Variants in TOP3B observed in about 807,000 individuals in gnomAD.
TOP3B encodes DNA topoisomerase III beta.
In TOP3B, 45 loss-of-function variants were observed where a neutral mutation model predicts 93.9. That is an observed-to-expected ratio of 0.48 (90% CI 0.38 to 0.61). The LOEUF (loss-of-function observed/expected upper bound fraction) is 0.61, where lower values mean the gene tolerates loss of function less well. Among genes scored for constraint, TOP3B ranks in the 20% least tolerant of loss-of-function variants. The pLI, the probability that TOP3B is intolerant of heterozygous loss-of-function variation, is 0.00. For synonymous variants in TOP3B, 357 were observed against 472.6 expected (o/e 0.76, Z 3.17); for missense variants, 750 against 1,156.1 (o/e 0.65, Z 5.09).
chr22:21,959,001 C>A, intron 16 of TOP3B, 131 bp downstream of exon 16: 1 of 1,377,108 alleles, frequency 7.3e-7, no homozygotes, highest in Non-Finnish European at 9.7e-7. Context: ...TATTTTTTGG[C>A]AAGGCCTCTT....
Position 21,962,772 on chromosome 22 carries a change from G to A in TOP3B, c.1326C>T (p.Cys442=), listed in dbSNP as rs780245200. The A allele has an allele frequency of 1.4e-5, 23 of 1,614,056 alleles. No individual in the cohort carries two copies. In the East Asian group the frequency reaches 2.7e-4, roughly 19 times the overall value. The change falls in exon 12 of 18, where the codon TGC becomes TGT. Residue 442 remains cysteine, a synonymous_variant. Transcript: ENST00000357179. ...SFRIGPELFT[C]SGKTVLSPGF... is the part of the protein sequence containing the mutation. ...CTGGTGAGAGGACGGTCTTCCCGGA[G>A]CAGGTGAAGAGCTCGGGCCCAATTC... is the stretch of plus-strand genomic sequence containing the variant.
chr22:21,964,533 T>A lies in TOP3B; in HGVS notation c.944-218A>T, dbSNP rs1601827583. On this transcript the variant is annotated intron_variant, in intron 9 of 17. Coordinates refer to ENST00000357179, the MANE Select transcript of TOP3B (RefSeq NM_001282112.2). ...TGAATCCCGCACCCGTAAGGCTGAA[T>A]CCTACACCCAGGATGGGCCTGATGG... 4 of 593,532 alleles carry A rather than the reference T, an allele frequency of 6.7e-6. No individual in the cohort carries two copies. The East Asian group carries it at 1.1e-4, about 17-fold the overall frequency. 36.8% of individuals were successfully genotyped at this position (593,532 alleles called of 1,614,324 possible). A position where few individuals can be genotyped will look rare whatever the true frequency, so the allele number is the denominator to read the frequency against.
chr22:21,980,472 C>A (rs766462271), intron 1 of TOP3B, among the ~76,000 whole-genome samples: 2 of 152,220 alleles, frequency 1.3e-5, no homozygotes, highest in Non-Finnish European at 2.9e-5. Context: ...GGCTGTCAAC[C>A]TTGTTCCCCA....
In TOP3B at chr22:21,971,872, C is replaced by G; in HGVS notation, c.384+5G>C. Reference sequence around the variant, plus strand: ...AGTGAGGAACAAAGTGAGCCTCACACTCACCTCAAAGCAGATGTTCTCCCC... The same window carrying G: ...AGTGAGGAACAAAGTGAGCCTCACAGTCACCTCAAAGCAGATGTTCTCCCC... On this transcript the variant is annotated splice_donor_5th_base_variant and intron_variant, in intron 5 of 17. Transcript: ENST00000357179. This position sits in a 1 kb window ranked among gnomAD's most constrained non-coding sequence, Gnocchi z 4.6. 6.2e-7 allele frequency: 1 copy of G among 1,614,016 alleles called. No homozygotes were observed. The highest frequency in any genetic ancestry group is 8.5e-7 in the Non-Finnish European group (1 of 1,179,934).
At chr22:21,962,350 C>T (rs759535830) in intron 13 of TOP3B, 79 bp downstream of exon 13, 72 of 1,604,280 alleles carry the variant, frequency 4.5e-5, no homozygotes, top group African/African-American at 1.1e-4. Context: ...ACAGGGCTGG[C>T]GGGGCAGCTT....
At chr22:21,959,009 CTT>C (rs760608353) in intron 16 of TOP3B, 121 bp downstream of exon 16, 4 of 1,441,944 alleles carry the variant, frequency 2.8e-6, no homozygotes, top group Non-Finnish European at 3.7e-6. Flanking sequence ...GGCAAGGCCT[CTT>C]TATGTTCCAT....
Position 21,965,306 on chromosome 22 carries a change from G to A in TOP3B, c.922C>T (p.Arg308Cys), listed in dbSNP as rs769874024. 10 of 1,599,182 alleles carry A rather than the reference G, an allele frequency of 6.3e-6. No homozygotes were observed. Among genetic ancestry groups the A allele is most frequent in the East Asian group, 4.6e-5 (2 of 43,746 alleles). The change falls in exon 9 of 18, where the codon CGT (arginine) becomes TGT (cysteine). Residue 308 changes from arginine (R) to cysteine (C), a missense_variant. This residue lies in a region of TOP3B where 737 missense variants were observed against 933.7 expected (regional missense o/e 0.79). Coordinates refer to ENST00000357179, the MANE Select transcript of TOP3B (RefSeq NM_001282112.2). ...PLALNTVEMLRVASSSLGMGP... is the reference protein window; with the variant it reads ...PLALNTVEMLCVASSSLGMGP... ...ATACCCAGAGAAGAGCTGGCCACAC[G>A]CAGCATCTCCACAGTGTTCAGGGCC... is the stretch of plus-strand genomic sequence containing the variant.
intron 1 of TOP3B, among the ~76,000 whole-genome samples, chr22:21,979,112 A>G (rs578190891): frequency 5.9e-5 from 9 of 152,126 alleles, no homozygotes; most frequent in African/African-American, 2.2e-4. Context: ...CAGAGGAAGC[A>G]CTGGATTTAG....
intron 9 of TOP3B, 196 bp from the exon 10 acceptor site, chr22:21,964,511 A>C (rs2071337591): frequency 1.6e-6 from 1 of 624,246 alleles, no homozygotes; most frequent in Non-Finnish European, 2.8e-6. Context: ...ATGAGGCTGA[A>C]TCCCGCACCC....
chr22:21,971,822 T>C lies in TOP3B; in HGVS notation c.384+55A>G. The stretch of plus-strand genomic sequence containing the variant: ...ATGTGACTGACTGCTGGTGTCAGTT[T>C]GGGGCTGGTGTCAGAAAGGCCAAAA... On this transcript the variant is annotated intron_variant, in intron 5 of 17. Transcript: ENST00000357179. This position sits in a 1 kb window ranked among gnomAD's most constrained non-coding sequence, Gnocchi z 4.6. The C allele has an allele frequency of 6.5e-7, 1 of 1,542,938 alleles. No individual in the cohort carries two copies. Among genetic ancestry groups the C allele is most frequent in the Non-Finnish European group, 9.0e-7 (1 of 1,115,676 alleles).
In TOP3B at chr22:21,970,716, CCAAATCAGGAAA is replaced by C; in HGVS notation, c.385-322_385-311del. ...TTCTAATCCTCTGCTTTCATCCCCA[CCAAATCAGGAAA>C]TGCTACTGCCAAGTACATGAGGGAC... On this transcript the variant is annotated intron_variant, in intron 5 of 17. Transcript: ENST00000357179. This position sits in a 1 kb window ranked among gnomAD's most constrained non-coding sequence, Gnocchi z 4.4. 1 of 400,264 alleles carries C rather than the reference CCAAATCAGGAAA, an allele frequency of 2.5e-6. No homozygotes were observed. Among genetic ancestry groups the C allele is most frequent in the Admixed American group, 3.6e-5 (1 of 27,830 alleles). 24.8% of individuals were successfully genotyped at this position (400,264 alleles called of 1,614,324 possible).
Position 21,958,750 on chromosome 22 carries a change from CACCCCCACTCCTCTCATAAT to C in TOP3B, c.1906-77_1906-58del, listed in dbSNP as rs1470459028. ...TCACTGGGGCCACCGACTTGGCACC[CACCCCCACTCCTCTCATAAT>C]ACAAAGTATGTAATCTGTCATGCAG... On this transcript the variant is annotated intron_variant, in intron 16 of 17. Transcript: ENST00000357179. 3.3e-6 allele frequency: 5 copies of C among 1,516,328 alleles called. No individual in the cohort carries two copies. The African/African-American group carries it at 6.9e-5, about 21-fold the overall frequency. 93.9% of individuals were successfully genotyped at this position (1,516,328 alleles called of 1,614,324 possible). A position where few individuals can be genotyped will look rare whatever the true frequency, so the allele number is the denominator to read the frequency against.
rs763228015 is a variant in TOP3B, at chr22:21,972,722, C to A, written c.203-4G>T. 6.2e-7 allele frequency: 1 copy of A among 1,612,184 alleles called. No homozygotes were observed. The highest frequency in any genetic ancestry group is 2.2e-5 in the East Asian group (1 of 44,882). ...TTGTCCCATTTGTTGTATTTTCCTACAAACCAGTCACAGTGACATTGAGTC... is the reference window on the plus strand; with the variant it reads ...TTGTCCCATTTGTTGTATTTTCCTAAAAACCAGTCACAGTGACATTGAGTC... On this transcript the variant is annotated splice_region_variant and splice_polypyrimidine_tract_variant and intron_variant, in intron 3 of 17. Transcript: ENST00000357179.
Position 21,974,220 on chromosome 22 carries a change from C to T in TOP3B, c.202+137G>A, listed in dbSNP as rs994872441. 2.3e-5 allele frequency: 27 copies of T among 1,152,802 alleles called. No homozygotes were observed. In the South Asian group the frequency reaches 3.0e-4, roughly 13 times the overall value. The allele number at this position is 1,152,802 out of a possible 1,614,324, so 71.4% of individuals were successfully genotyped here. ...CGCACCAGGGACCCTCTCATTGCTA[C>T]TTCATGATCTGCTGGCCTTATGACT... On this transcript the variant is annotated intron_variant, in intron 3 of 17. Coordinates refer to ENST00000357179, the MANE Select transcript of TOP3B (RefSeq NM_001282112.2).
intron 1 of TOP3B, among the ~76,000 whole-genome samples, chr22:21,978,981 C>T (rs1374686480): frequency 4.0e-5 from 6 of 151,818 alleles, no homozygotes; most frequent in South Asian, 2.1e-4. Context: ...GAGAGGCAGC[C>T]GGTCAGCATC....
At chr22:21,959,003 A>C in intron 16 of TOP3B, 129 bp downstream of exon 16, 1 of 1,387,222 alleles carries the variant, frequency 7.2e-7, no homozygotes, top group Non-Finnish European at 9.6e-7. Context: ...TTTTTTGGCA[A>C]GGCCTCTTTA....
At position 21,969,196 on chromosome 22, in the gene TOP3B, G is replaced by A. The variant is rs60792860; in HGVS notation, c.582-421C>T. ...ATTGCCCAGCAGGAGTGCATTAATG[G>A]GGATTCACAGATCATTGCAGCCTTG... On this transcript the variant is annotated intron_variant, in intron 6 of 17. Coordinates refer to ENST00000357179, the MANE Select transcript of TOP3B (RefSeq NM_001282112.2). 8.4e-3 allele frequency: 1,337 copies of A among 158,378 alleles called. 25 individuals carry two copies. The highest frequency in any genetic ancestry group is 0.029 in the African/African-American group (1,216 of 41,614). The allele number at this position is 158,378 out of a possible 1,614,324, so 9.8% of individuals were successfully genotyped here. A position where few individuals can be genotyped will look rare whatever the true frequency, so the allele number is the denominator to read the frequency against.
chr22:21,974,653 T>A, intron 2 of TOP3B, 165 bp from the exon 3 acceptor site: 1 of 704,244 alleles, frequency 1.4e-6, no homozygotes, highest in Non-Finnish European at 2.3e-6. Flanking sequence ...CACTGAGAGG[T>A]GGGACGGCGC....
At position 21,957,375 on chromosome 22, in the gene TOP3B, G is replaced by A. The variant is rs149114343; in HGVS notation, c.2328C>T (p.Ala776=). The change falls in exon 18 of 18, where the codon GCC becomes GCT. Residue 776 remains alanine, a synonymous_variant. Coordinates refer to ENST00000357179, the MANE Select transcript of TOP3B (RefSeq NM_001282112.2). ...TGTTGAAGTCCACATCAAGCAAGGC[G>A]GCCTCACAGACACTGCAGGTGTCGG... ...VSADTCSVCE[A]ALLDVDFNKA... 362 of 1,601,292 alleles carry A rather than the reference G, an allele frequency of 2.3e-4. 2 individuals are homozygous for A. The African/African-American group carries it at 4.1e-3, about 18-fold the overall frequency.
Sources: gnomAD v4.1 joint callset for allele counts (sites outside exome capture counted in the v4.1 genomes callset) on GRCh38, gnomAD v4.1.1 for gene constraint, gnomAD v4.1.1 regional missense constraint, Gnocchi (gnomAD v3.1) non-coding constraint, MANE v1.5 for transcripts, NCBI Gene and HGNC (gene_info 2026-07-23, HGNC 2026-07-21) for gene names.